The following CYLD variants were observed in gnomAD, a reference collection of about 807,000 sequenced individuals.
The protein encoded by CYLD is ubiquitin carboxyl-terminal hydrolase CYLD.
In CYLD, 26 loss-of-function variants were observed where a neutral mutation model predicts 104.5. The ratio of observed to expected loss-of-function variants is 0.25; its 90% CI spans 0.18 to 0.35. CYLD has a LOEUF of 0.35. Ranked by LOEUF, CYLD falls within the 10% of genes least tolerant of loss-of-function variation. The pLI is 1.00. For missense variants in CYLD, 703 were observed against 1,136.1 expected, an observed-to-expected ratio of 0.62 and a Z score of 5.48; for synonymous variants, 385 against 399.9, an observed-to-expected ratio of 0.96 and a Z score of 0.45.
In CYLD at chr16:50,777,787, G is replaced by T; in HGVS notation, c.1022-38G>T. 4.4e-6 allele frequency: 5 copies of T among 1,134,450 alleles called. No individual in the cohort carries two copies. The South Asian group carries it at 6.3e-5, about 14-fold the overall frequency. 70.3% of individuals were successfully genotyped at this position (1,134,450 alleles called of 1,614,324 possible). ...TAAAAAAAAACTTTGATGCTATATT[G>T]ACTTTATTTTTAAATGAAACTTTTC... On this transcript the variant is annotated intron_variant, in intron 7 of 18. Transcript: ENST00000427738.
At chr16:50,773,500 C>A (rs559862498) in intron 5 of CYLD, among the ~76,000 whole-genome samples, 1 of 152,212 alleles carries the variant, frequency 6.6e-6, no homozygotes, top group South Asian at 2.1e-4. Flanking sequence ...CTCTATTCTT[C>A]TGTAGAATAG....
chr16:50,792,463 G>A (rs1179883006), intron 15 of CYLD, 134 bp from the exon 16 acceptor site: 5 of 653,614 alleles, frequency 7.6e-6, no homozygotes, highest in East Asian at 2.8e-5. Flanking sequence ...CCATGGTCAC[G>A]TGTGGATCCT....
At position 50,784,605 on chromosome 16, in the gene CYLD, CT is replaced by C. The variant is rs1970619968; in HGVS notation, c.1949+156del. The stretch of plus-strand genomic sequence containing the variant: ...ATATTACGTTTTTAAACCTTTGGTC[CT>C]TGTACTTTTTTGCTTATTTAATTTC... On this transcript the variant is annotated intron_variant, in intron 12 of 18. Transcript: ENST00000427738. 7.5e-6 allele frequency: 6 copies of C among 800,152 alleles called. No individual in the cohort carries two copies. The Admixed American group carries it at 1.6e-4, about 21-fold the overall frequency. The allele number at this position is 800,152 out of a possible 1,614,324, so 49.6% of individuals were successfully genotyped here. A position where few individuals can be genotyped will look rare whatever the true frequency, so the allele number is the denominator to read the frequency against.
At chr16:50,786,635 C>T (rs1970858566) in intron 12 of CYLD, 1 of 481,046 alleles carries the variant, frequency 2.1e-6, no homozygotes, top group African/African-American at 2.0e-5. Context: ...TGGTGCACGC[C>T]TGTAATTCCA....
chr16:50,743,053 C>G (rs1041360377), intron 2 of CYLD, among the ~76,000 whole-genome samples: 1 of 152,212 alleles, frequency 6.6e-6, no homozygotes, highest in East Asian at 1.9e-4. Context: ...TTCCAGCCAC[C>G]AAGCCTGTGG....
Position 50,796,483 on chromosome 16 carries a change from G to C in CYLD, c.2846G>C (p.Ser949Thr), listed in dbSNP as rs1972059474. Residue 949 changes from serine to threonine, a missense_variant, in exon 19 of 19, where the codon AGT (serine) becomes ACT (threonine). Transcript: ENST00000427738. ...LCDAYMCMYQ[S>T]PTMSLYK ...GATGCATATATGTGCATGTACCAGA[G>C]TCCAACAATGAGTTTGTACAAATAA... 1 of 1,613,566 alleles carries C rather than the reference G, an allele frequency of 6.2e-7. No homozygotes were observed. The highest frequency in any genetic ancestry group is 8.5e-7 in the Non-Finnish European group (1 of 1,180,020).
intron 5 of CYLD, among the ~76,000 whole-genome samples, chr16:50,754,988 CATATATATGTATATATACATATATATGT>C (rs1567426288): frequency 7.3e-5 from 2 of 27,584 alleles, no homozygotes; most frequent in Non-Finnish European, 1.4e-4. Flanking sequence ...TACATATATA[CATATATATGTATATATACATATATATGT>C]ATATATACAT....
In CYLD at chr16:50,771,671, A is replaced by G. The variant is rs533343202; in HGVS notation, c.914-3495A>G. ...TTTGCATCCTTGTTCTCTGTTTTCC[A>G]AAAAGTTTCATAGATTTACTTTTTA... On this transcript the variant is annotated intron_variant, in intron 5 of 18. Coordinates refer to ENST00000427738, the MANE Select transcript of CYLD (RefSeq NM_001378743.1). 6.6e-5 allele frequency among the ~76,000 whole-genome samples: 10 copies of G among 152,320 alleles called. No individual in the cohort carries two copies. In the East Asian group the frequency reaches 1.9e-3, roughly 29 times the overall value.
In CYLD at chr16:50,749,851, A is replaced by G; in HGVS notation, c.153A>G (p.Gln51=). The change falls in exon 3 of 19, where the codon CAA becomes CAG. Residue 51 remains glutamine (Q), a synonymous_variant. Transcript: ENST00000427738. ...VPKGSIGQYI[Q]DRSVGHSRIP... Reference sequence around the variant, plus strand: ...AGGGAAGTATAGGACAGTATATTCAAGATCGTTCTGTGGGGCATTCAAGGA... The same window carrying G: ...AGGGAAGTATAGGACAGTATATTCAGGATCGTTCTGTGGGGCATTCAAGGA... The G allele has an allele frequency of 6.2e-7, 1 of 1,614,186 alleles. No homozygotes were observed. The highest frequency in any genetic ancestry group is 2.2e-5 in the East Asian group (1 of 44,876).
At position 50,796,769 on chromosome 16, in the gene CYLD, T is replaced by C; in HGVS notation, c.*261T>C. On this transcript the variant is annotated 3_prime_UTR_variant, in exon 19 of 19. Coordinates refer to ENST00000427738, the MANE Select transcript of CYLD (RefSeq NM_001378743.1). Reference sequence around the variant, plus strand: ...ATGAAGTTATTAATACCTGAAGCTTTAAGTTAAGTGCATTGATCATATGAT... The same window carrying C: ...ATGAAGTTATTAATACCTGAAGCTTCAAGTTAAGTGCATTGATCATATGAT... 1 of 491,362 alleles carries C rather than the reference T, an allele frequency of 2.0e-6. No individual in the cohort carries two copies. Among genetic ancestry groups the C allele is most frequent in the South Asian group, 2.1e-5 (1 of 46,524 alleles). The allele number at this position is 491,362 out of a possible 1,614,324, so 30.4% of individuals were successfully genotyped here.
intron 5 of CYLD, among the ~76,000 whole-genome samples, chr16:50,763,527 A>G (rs1968179782): frequency 6.6e-6 from 1 of 152,152 alleles, no homozygotes; most frequent in African/African-American, 2.4e-5. Context: ...GTCCTTGTCA[A>G]TACTTGTTAT....
chr16:50,743,958 A>C (rs1965955396), intron 2 of CYLD, among the ~76,000 whole-genome samples: 1 of 152,206 alleles, frequency 6.6e-6, no homozygotes, highest in Non-Finnish European at 1.5e-5. Flanking sequence ...TTAATCCCTT[A>C]AACAGGAGGA....
At position 50,792,710 on chromosome 16, in the gene CYLD, G is replaced by T; in HGVS notation, c.2350+5G>T. 7.2e-7 allele frequency: 1 copy of T among 1,382,178 alleles called. No individual in the cohort carries two copies. Among genetic ancestry groups the T allele is most frequent in the Non-Finnish European group, 1.0e-6 (1 of 978,444 alleles). The allele number at this position is 1,382,178 out of a possible 1,614,324, so 85.6% of individuals were successfully genotyped here. A position where few individuals can be genotyped will look rare whatever the true frequency, so the allele number is the denominator to read the frequency against. ...TAACAGATTTACTTGAAGACAGTAAGTATGAGATTTTTTTAGTTTGTTTTG... is the reference window on the plus strand; with the variant it reads ...TAACAGATTTACTTGAAGACAGTAATTATGAGATTTTTTTAGTTTGTTTTG... On this transcript the variant is annotated splice_donor_5th_base_variant and intron_variant, in intron 16 of 18. Transcript: ENST00000427738.
intron 5 of CYLD, among the ~76,000 whole-genome samples, chr16:50,756,490 G>T (rs1596992278): frequency 6.6e-6 from 1 of 152,298 alleles, no homozygotes; most frequent in East Asian, 1.9e-4. Flanking sequence ...GAAAAATCAA[G>T]CAATCTTTTA....
At chr16:50,747,977 A>T (rs964103817) in intron 2 of CYLD, among the ~76,000 whole-genome samples, 10 of 152,194 alleles carry the variant, frequency 6.6e-5, no homozygotes, top group African/African-American at 2.2e-4. Flanking sequence ...GGAATACTTC[A>T]TTATCTAGCA....
At chr16:50,755,067 A>G (rs1258745478) in intron 5 of CYLD, among the ~76,000 whole-genome samples, 2 of 125,464 alleles carry the variant, frequency 1.6e-5, no homozygotes, top group Non-Finnish European at 3.3e-5. Context: ...ATACATATAG[A>G]TATGTATACA....
At position 50,799,385 on chromosome 16, in the gene CYLD, AT is replaced by A; in HGVS notation, c.*2878del. 1 of 233,740 alleles carries A rather than the reference AT, an allele frequency of 4.3e-6. No individual in the cohort carries two copies. The highest frequency in any genetic ancestry group is 6.0e-5 in the East Asian group (1 of 16,694). 14.5% of individuals were successfully genotyped at this position (233,740 alleles called of 1,614,324 possible). ...TACATAGAGAGGCTAAATGTGTCCCATCCCTCACTGTCAGCTTTATAAAGGA... is the reference window on the plus strand; with the variant it reads ...TACATAGAGAGGCTAAATGTGTCCCACCCTCACTGTCAGCTTTATAAAGGA... On this transcript the variant is annotated 3_prime_UTR_variant, in exon 19 of 19. Transcript: ENST00000427738.
intron 12 of CYLD, 84 bp from the exon 13 acceptor site, chr16:50,786,771 A>G: frequency 2.7e-6 from 3 of 1,098,660 alleles, no homozygotes; most frequent in Non-Finnish European, 4.1e-6. Flanking sequence ...CAAAAAAAAA[A>G]AAGAAAAAAA....
Position 50,794,618 on chromosome 16 carries a change from T to TG in CYLD, c.2686+191dup, listed in dbSNP as rs560915858. Reference sequence around the variant, plus strand: ...AGCTGAACTAAGGAATAATATGCTGTGTTTTTTTTTTTCCTTTTTTGAGAT... The same window carrying TG: ...AGCTGAACTAAGGAATAATATGCTGTGGTTTTTTTTTTTCCTTTTTTGAGAT... On this transcript the variant is annotated intron_variant, in intron 18 of 18. Coordinates refer to ENST00000427738, the MANE Select transcript of CYLD (RefSeq NM_001378743.1). This position sits in a 1 kb window ranked among gnomAD's most constrained non-coding sequence, Gnocchi z 4.1. The TG allele has an allele frequency of 7.0e-5, 41 of 586,344 alleles. No homozygotes were observed. The highest frequency in any genetic ancestry group is 5.0e-4 in the South Asian group (27 of 54,136). The allele number at this position is 586,344 out of a possible 1,614,324, so 36.3% of individuals were successfully genotyped here.
Sources: allele counts gnomAD v4.1 joint callset (sites outside exome capture counted in the v4.1 genomes callset), GRCh38; gene constraint gnomAD v4.1.1; non-coding constraint Gnocchi (gnomAD v3.1); transcripts MANE v1.5; gene names NCBI Gene and HGNC (gene_info 2026-07-23, HGNC 2026-07-21).